The following NALF1 variants were observed in gnomAD, a reference collection of about 807,000 sequenced individuals.
NALF1 encodes the protein family with sequence similarity 155 member A.
Under a neutral mutation model 48.4 loss-of-function variants are expected in NALF1, and 3 were observed. The ratio of observed to expected loss-of-function variants is 0.06; its 90% CI spans 0.03 to 0.16. The LOEUF is 0.16. Among genes scored for constraint, NALF1 ranks in the 10% least tolerant of loss-of-function variants. NALF1 has a pLI of 1.00. For missense variants in NALF1, 526 were observed against 571.5 expected (o/e 0.92, Z 0.81); for synonymous variants, 262 against 245.7 (o/e 1.07, Z -0.62).
intron 1 of NALF1, among the ~76,000 whole-genome samples, chr13:107,365,627 G>A (rs1202125348): frequency 6.6e-6 from 1 of 152,128 alleles, no homozygotes; most frequent in African/African-American, 2.4e-5. Context: ...TGGTTACTGG[G>A]GAATGGTTGA....
chr13:107,473,456 G>T (rs1375655103), intron 1 of NALF1, among the ~76,000 whole-genome samples: 5 of 151,986 alleles, frequency 3.3e-5, no homozygotes, highest in Admixed American at 6.6e-5. Context: ...AAAACGCAAG[G>T]TCAGCATTTT....
chr13:107,720,792 G>C (rs1426502782), intron 1 of NALF1, among the ~76,000 whole-genome samples: 1 of 152,142 alleles, frequency 6.6e-6, no homozygotes, highest in African/African-American at 2.4e-5. Context: ...CAATCAAGCT[G>C]AGCTGAAGGT....
chr13:107,800,464 C>T (rs1878571179), intron 1 of NALF1, among the ~76,000 whole-genome samples: 2 of 151,020 alleles, frequency 1.3e-5, no homozygotes, highest in African/African-American at 4.9e-5. Flanking sequence ...AAAAATGAGT[C>T]CCTAAACAAC....
chr13:107,741,004 T>C (rs1876617779), intron 1 of NALF1, among the ~76,000 whole-genome samples: 1 of 152,218 alleles, frequency 6.6e-6, no homozygotes, highest in African/African-American at 2.4e-5. Flanking sequence ...ATGTATTCAT[T>C]TATTCAATAC....
At chr13:107,500,901 A>C (rs986034968) in intron 1 of NALF1, among the ~76,000 whole-genome samples, 5 of 151,628 alleles carry the variant, frequency 3.3e-5, no homozygotes, top group Admixed American at 3.3e-4. Flanking sequence ...GAACTGAACA[A>C]TGAAAACACA....
intron 1 of NALF1, among the ~76,000 whole-genome samples, chr13:107,833,720 G>T (rs1273680304): frequency 1.3e-5 from 2 of 152,120 alleles, no homozygotes; most frequent in African/African-American, 2.4e-5. Context: ...TTGAAAGAAA[G>T]GACAAGCTTT....
chr13:107,418,645 A>C (rs1884134305), intron 1 of NALF1, among the ~76,000 whole-genome samples: 1 of 152,042 alleles, frequency 6.6e-6, no homozygotes, highest in Non-Finnish European at 1.5e-5. Flanking sequence ...AAATGATCTC[A>C]TTGCCCAGGT....
At chr13:107,184,980 A>C (rs1451735809) in intron 2 of NALF1, among the ~76,000 whole-genome samples, 1 of 152,172 alleles carries the variant, frequency 6.6e-6, no homozygotes, top group Admixed American at 6.5e-5. Flanking sequence ...TAATCCAGTA[A>C]GACATATGTC....
chr13:107,299,681 CTTATTTAT>C (rs59861743), intron 1 of NALF1, among the ~76,000 whole-genome samples: 6,564 of 148,306 alleles, frequency 0.044, 238 homozygotes, highest in East Asian at 0.2. Flanking sequence ...AGAACTGTTC[CTTATTTAT>C]TTATTTATTT....
intron 1 of NALF1, among the ~76,000 whole-genome samples, chr13:107,581,126 C>T (rs528244939): frequency 6.6e-6 from 1 of 152,226 alleles, no homozygotes; most frequent in South Asian, 2.1e-4. Flanking sequence ...GTTTTGTTCA[C>T]GTTGTTTGTT....
intron 1 of NALF1, among the ~76,000 whole-genome samples, chr13:107,796,221 G>A (rs758341106): frequency 2.2e-4 from 33 of 152,016 alleles, no homozygotes; most frequent in Non-Finnish European, 4.0e-4. Flanking sequence ...GTTTTATGTA[G>A]TTTGGGTCTT....
At chr13:107,601,025 C>T (rs1878910658) in intron 1 of NALF1, among the ~76,000 whole-genome samples, 1 of 152,004 alleles carries the variant, frequency 6.6e-6, no homozygotes, top group South Asian at 2.1e-4. Context: ...CACGGTAGGT[C>T]TTCCTAATCA....
intron 1 of NALF1, among the ~76,000 whole-genome samples, chr13:107,772,792 G>T (rs1038526147): frequency 4.6e-5 from 7 of 152,142 alleles, no homozygotes; most frequent in African/African-American, 1.7e-4. Context: ...GTTCCTATGT[G>T]AGAGAAACAC....
intron 1 of NALF1, among the ~76,000 whole-genome samples, chr13:107,799,181 G>C (rs1311152124): frequency 6.6e-6 from 1 of 152,118 alleles, no homozygotes; most frequent in Admixed American, 6.6e-5. Context: ...AATGAGTGTG[G>C]CGTCAGACAT....
chr13:107,510,077 G>T (rs1875835474), intron 1 of NALF1, among the ~76,000 whole-genome samples: 1 of 152,240 alleles, frequency 6.6e-6, no homozygotes, highest in East Asian at 1.9e-4. Context: ...CGAAAGGGCT[G>T]GGATTACAGG....
intron 1 of NALF1, 114 bp from the exon 2 acceptor site, chr13:107,210,869 C>G (rs1293585055): frequency 1.5e-6 from 1 of 667,786 alleles, no homozygotes; most frequent in African/African-American, 1.8e-5. Context: ...TAAGAGAGCC[C>G]TCATTGTGAG....
At chr13:107,243,403 T>C (rs1033446351) in intron 1 of NALF1, among the ~76,000 whole-genome samples, 5 of 152,146 alleles carry the variant, frequency 3.3e-5, no homozygotes, top group Non-Finnish European at 5.9e-5. Flanking sequence ...CTGACCCCCA[T>C]TGTTCCCTGG....
At chr13:107,586,635 A>ATTTTTTTTTTTTTTT (rs61429641) in intron 1 of NALF1, among the ~76,000 whole-genome samples, 17,787 of 92,012 alleles carry the variant, frequency 0.19, 5,174 homozygotes, top group Non-Finnish European at 0.21. Context: ...CCCTATGGAG[A>ATTTTTTTTTTTTTTT]TTTTTTTTTT....
intron 1 of NALF1, among the ~76,000 whole-genome samples, chr13:107,409,150 G>C (rs955299248): frequency 3.3e-5 from 5 of 152,054 alleles, no homozygotes; most frequent in African/African-American, 9.7e-5. Flanking sequence ...AGTTTAACAG[G>C]TTCTTAAGAA....
Sources: allele counts gnomAD v4.1 joint callset (sites outside exome capture counted in the v4.1 genomes callset), GRCh38; gene constraint gnomAD v4.1.1; transcripts MANE v1.5; gene names NCBI Gene and HGNC (gene_info 2026-07-23, HGNC 2026-07-21).